Variants in TXNL1 observed in about 807,000 individuals in gnomAD.
TXNL1 encodes thioredoxin like 1.
In TXNL1, 14 loss-of-function variants were observed where a neutral mutation model predicts 35.5. The ratio of observed to expected loss-of-function variants is 0.39; its 90% CI spans 0.26 to 0.62. The LOEUF is 0.62. Ranked by LOEUF, TXNL1 falls within the 20% of genes least tolerant of loss-of-function variation. TXNL1 has a pLI of 0.47. For synonymous variants in TXNL1, 110 were observed against 115.5 expected, an observed-to-expected ratio of 0.95 and a Z score of 0.31; for missense variants, 263 against 349.7, an observed-to-expected ratio of 0.75 and a Z score of 1.98.
intron 2 of TXNL1, among the ~76,000 whole-genome samples, chr18:56,625,335 A>G (rs2144321010): frequency 6.6e-6 from 1 of 152,286 alleles, no homozygotes; most frequent in South Asian, 2.1e-4. Context: ...AAAATAAGTA[A>G]AATCAAGTTT....
intron 3 of TXNL1, among the ~76,000 whole-genome samples, chr18:56,622,922 T>C (rs935383371): frequency 6.6e-6 from 1 of 152,220 alleles, no homozygotes; most frequent in African/African-American, 2.4e-5. Flanking sequence ...TAAATAGTAA[T>C]TGTACTTCCT....
chr18:56,620,881 A>G (rs1344254689), intron 3 of TXNL1, among the ~76,000 whole-genome samples: 1 of 152,260 alleles, frequency 6.6e-6, no homozygotes, highest in Non-Finnish European at 1.5e-5. Context: ...GAAATGTTAT[A>G]GTAAATGTAT....
chr18:56,638,180 G>T (rs895087968), intron 1 of TXNL1, among the ~76,000 whole-genome samples, 163 bp downstream of exon 1: 3 of 152,220 alleles, frequency 2.0e-5, no homozygotes, highest in Non-Finnish European at 2.9e-5. Flanking sequence ...ATAAATGGGG[G>T]TTCACACCCG....
intron 1 of TXNL1, among the ~76,000 whole-genome samples, chr18:56,626,990 T>A (rs559821816): frequency 2.5e-4 from 38 of 150,808 alleles, no homozygotes; most frequent in Non-Finnish European, 4.1e-4. Flanking sequence ...ATTTTTTTTT[T>A]TTTTGAGAAG....
intron 1 of TXNL1, among the ~76,000 whole-genome samples, chr18:56,632,904 G>A (rs551445092): frequency 2.5e-4 from 38 of 152,210 alleles, no homozygotes; most frequent in Non-Finnish European, 4.6e-4. Context: ...GGACTACTGG[G>A]CCTGCTTACT....
intron 7 of TXNL1, 108 bp from the exon 8 acceptor site, chr18:56,603,164 G>A: frequency 1.0e-6 from 1 of 998,748 alleles, no homozygotes; most frequent in Non-Finnish European, 1.5e-6. Flanking sequence ...TTTATCCTTG[G>A]ATCTTTTCTG....
chr18:56,613,018 T>G (rs913065131), intron 6 of TXNL1, among the ~76,000 whole-genome samples: 2 of 152,076 alleles, frequency 1.3e-5, no homozygotes, highest in African/African-American at 4.8e-5. Context: ...CTTGTATTTT[T>G]TTGTAGAGAT....
intron 1 of TXNL1, among the ~76,000 whole-genome samples, chr18:56,630,310 T>C (rs2024351209): frequency 6.6e-6 from 1 of 151,548 alleles, no homozygotes. Context: ...AAGAACAAAA[T>C]CAACTGGAAA....
intron 1 of TXNL1, among the ~76,000 whole-genome samples, chr18:56,633,973 G>C (rs2024416723): frequency 1.1e-5 from 1 of 92,768 alleles, no homozygotes; most frequent in Admixed American, 1.9e-4. Flanking sequence ...GACAGAGCAA[G>C]ACTCCATCTC....
chr18:56,610,421 C>G (rs767931827), intron 7 of TXNL1: 3 of 152,408 alleles, frequency 2.0e-5, no homozygotes, highest in Non-Finnish European at 4.4e-5. Context: ...ATAATTGTGT[C>G]TTTTCAAAAG....
Position 56,601,389 on chromosome 18 carries a change from G to C in TXNL1, c.*1638C>G, listed in dbSNP as rs2023808725. 1 of 152,096 alleles carries C rather than the reference G, an allele frequency of 6.6e-6. No homozygotes were observed. The highest frequency in any genetic ancestry group is 1.5e-5 in the Non-Finnish European group (1 of 68,010). The allele number at this position is 152,096 out of a possible 1,614,324, so 9.4% of individuals were successfully genotyped here. A position where few individuals can be genotyped will look rare whatever the true frequency, so the allele number is the denominator to read the frequency against. ...TTTCACTGGGTTTTCAAACTATCAA[G>C]TATAAATAGGAAAAGGTCAGCAATA... On this transcript the variant is annotated 3_prime_UTR_variant, in exon 8 of 8. Transcript: ENST00000217515.
intron 5 of TXNL1, among the ~76,000 whole-genome samples, chr18:56,615,384 T>C (rs1414936468): frequency 4.2e-5 from 3 of 71,016 alleles, no homozygotes; most frequent in South Asian, 1.5e-3. Flanking sequence ...TTTCTTCCAA[T>C]CAATCGAAAA....
intron 3 of TXNL1, among the ~76,000 whole-genome samples, chr18:56,618,931 C>A (rs2024134376): frequency 6.6e-6 from 1 of 151,826 alleles, no homozygotes; most frequent in Non-Finnish European, 1.5e-5. Flanking sequence ...AGAAAAAGGC[C>A]TGGTACGATG....
At position 56,626,797 on chromosome 18, in the gene TXNL1, C is replaced by CTTTTTTTTTTTTTTTTTTTT. The variant is rs386387792; in HGVS notation, c.99-360_99-341dup. Among the ~76,000 whole-genome samples the CTTTTTTTTTTTTTTTTTTTT allele has an allele frequency of 2.2e-4, 12 of 55,008 alleles. 1 individual carries two copies. Among genetic ancestry groups the CTTTTTTTTTTTTTTTTTTTT allele is most frequent in the African/African-American group, 8.2e-4 (12 of 14,700 alleles). 36.1% of individuals were successfully genotyped at this position (55,008 alleles called of 152,430 possible). A position where few individuals can be genotyped will look rare whatever the true frequency, so the allele number is the denominator to read the frequency against. On this transcript the variant is annotated intron_variant, in intron 1 of 7. Transcript: ENST00000217515. ...TACAGGCGTGAGCCACCAAGCCGGT[C>CTTTTTTTTTTTTTTTTTTTT]TTTTTTTTTTTTTTTTTTTTTTTTG... is the stretch of plus-strand genomic sequence containing the variant.
intron 3 of TXNL1, among the ~76,000 whole-genome samples, chr18:56,619,803 T>A (rs1005924773): frequency 3.3e-5 from 5 of 152,116 alleles, no homozygotes; most frequent in Admixed American, 2.0e-4. Context: ...ATTAAGATTT[T>A]ACTGAATGCT....
intron 1 of TXNL1, among the ~76,000 whole-genome samples, chr18:56,630,020 GA>G (rs2024346395): frequency 6.6e-6 from 1 of 152,050 alleles, no homozygotes; most frequent in Non-Finnish European, 1.5e-5. Context: ...CCAACAAGGT[GA>G]AACCCCATCT....
intron 3 of TXNL1, among the ~76,000 whole-genome samples, chr18:56,624,075 G>A (rs2024236027): frequency 6.6e-6 from 1 of 152,094 alleles, no homozygotes; most frequent in Non-Finnish European, 1.5e-5. Flanking sequence ...AGAAATTTAG[G>A]AAAAATGATT....
At chr18:56,609,759 AAATGTAGATGCTT>A (rs2023961119) in intron 7 of TXNL1, 1 of 152,198 alleles carries the variant, frequency 6.6e-6, no homozygotes, top group Non-Finnish European at 1.5e-5. Context: ...CATATCGTAA[AAATGTAGATGCTT>A]AATCTCTGCT....
At chr18:56,621,810 G>T (rs2024191534) in intron 3 of TXNL1, among the ~76,000 whole-genome samples, 1 of 151,608 alleles carries the variant, frequency 6.6e-6, no homozygotes, top group African/African-American at 2.4e-5. Context: ...GACCAGCCTG[G>T]CCAACATGGT....
Sources: allele counts gnomAD v4.1 joint callset (sites outside exome capture counted in the v4.1 genomes callset), GRCh38; gene constraint gnomAD v4.1.1; transcripts MANE v1.5; gene names NCBI Gene and HGNC (gene_info 2026-07-23, HGNC 2026-07-21).